SERP1: variants seen among roughly 807,000 people sequenced by gnomAD.
SERP1 encodes the protein stress associated endoplasmic reticulum protein 1.
Under a neutral mutation model 8.8 loss-of-function variants are expected in SERP1, and 6 were observed. That is an observed-to-expected ratio of 0.68 (90% CI 0.37 to 1.35). The LOEUF (loss-of-function observed/expected upper bound fraction) is 1.35. SERP1 is among the 40% of genes most tolerant of loss of function. SERP1 has a pLI of 0.02. For synonymous variants in SERP1, 36 were observed against 28.7 expected (o/e 1.25, Z -0.81); for missense variants, 52 against 86.2 (o/e 0.60, Z 1.57).
At position 150,545,777 on chromosome 3, in the gene SERP1, C is replaced by A; in HGVS notation, c.86G>T (p.Arg29Ile). The change falls in exon 2 of 3, where the codon AGA (arginine) becomes ATA (isoleucine). Residue 29 changes from arginine (R) to isoleucine (I), a missense_variant and splice_region_variant. Physicochemically the swap from Arg to Ile is moderately conservative, Grantham distance 97. Transcript: ENST00000239944. ...AGACGCCTTCTCTTCGGGGGCATTT[C>A]TCTGCAAAAGCGAAAATCCACCATT... ...TQRGNVAKTS[R>I]NAPEEKASVG... 1 of 1,604,710 alleles carries A rather than the reference C, an allele frequency of 6.2e-7. No individual in the cohort carries two copies. Among genetic ancestry groups the A allele is most frequent in the East Asian group, 2.2e-5 (1 of 44,742 alleles).
Position 150,545,524 on chromosome 3 carries a change from A to G in SERP1, c.160+179T>C, listed in dbSNP as rs1048538959. The G allele has an allele frequency of 8.1e-6, 5 of 615,442 alleles. No homozygotes were observed. The East Asian group carries it at 8.6e-5, about 11-fold the overall frequency. 38.1% of individuals were successfully genotyped at this position (615,442 alleles called of 1,614,324 possible). On this transcript the variant is annotated intron_variant, in intron 2 of 2. Coordinates refer to ENST00000239944, the MANE Select transcript of SERP1 (RefSeq NM_014445.4). ...TTAAGCTGGGAGAAGTTTCTGGAGC[A>G]CCACCCTCTGTGCATATGTGGAACA...
chr3:150,543,438 C>G lies in SERP1; in HGVS notation c.*1020G>C, dbSNP rs912301247. The G allele has an allele frequency of 6.6e-6, 1 of 152,504 alleles. No homozygotes were observed. Among genetic ancestry groups the G allele is most frequent in the African/African-American group, 2.4e-5 (1 of 41,404 alleles). 9.4% of individuals were successfully genotyped at this position (152,504 alleles called of 1,614,324 possible). On this transcript the variant is annotated 3_prime_UTR_variant, in exon 3 of 3. Transcript: ENST00000239944. ...CACTTTAGGCTGATGTGTCTAGTAC[C>G]CTAATGATTGAAAAATCATTAATCT...
Position 150,542,433 on chromosome 3 carries a change from CT to C in SERP1, c.*2024del. The C allele has an allele frequency of 6.6e-6, 1 of 152,316 alleles. No homozygotes were observed. The highest frequency in any genetic ancestry group is 1.9e-4 in the East Asian group (1 of 5,190). The allele number at this position is 152,316 out of a possible 1,614,324, so 9.4% of individuals were successfully genotyped here. ...CCATTTAAGTACAATACTAAACATT[CT>C]TTAAAATCATTTTCTACTAACTATA... is the stretch of plus-strand genomic sequence containing the variant. On this transcript the variant is annotated 3_prime_UTR_variant, in exon 3 of 3. Coordinates refer to ENST00000239944, the MANE Select transcript of SERP1 (RefSeq NM_014445.4).
At chr3:150,545,863 C>T (rs1213291350) in intron 1 of SERP1, 85 bp from the exon 2 acceptor site, 5 of 1,427,424 alleles carry the variant, frequency 3.5e-6, no homozygotes, top group South Asian at 1.3e-5. Context: ...GTCGCCGGCC[C>T]CCTCACCTCA....
In SERP1 at chr3:150,544,193, T is replaced by G. The variant is rs1297657920; in HGVS notation, c.*265A>C. 5.1e-6 allele frequency: 2 copies of G among 392,286 alleles called. No individual in the cohort carries two copies. Among genetic ancestry groups the G allele is most frequent in the Non-Finnish European group, 9.2e-6 (2 of 218,228 alleles). 24.3% of individuals were successfully genotyped at this position (392,286 alleles called of 1,614,324 possible). ...ATAAAAAAACTTACTCTTAATTGAC[T>G]GAATAAGTAGGGTCCACTACTGTAT... On this transcript the variant is annotated 3_prime_UTR_variant, in exon 3 of 3. Transcript: ENST00000239944.
chr3:150,545,867 C>T, intron 1 of SERP1, 89 bp from the exon 2 acceptor site: 1 of 1,412,862 alleles, frequency 7.1e-7, no homozygotes, highest in South Asian at 1.3e-5. Flanking sequence ...CCGGCCCCCT[C>T]ACCTCACAGG....
chr3:150,544,788 C>T (rs186833650), intron 2 of SERP1, among the ~76,000 whole-genome samples: 1 of 152,360 alleles, frequency 6.6e-6, no homozygotes, highest in East Asian at 1.9e-4. Flanking sequence ...CCAAAGCCAA[C>T]AGGTTTTTCC....
chr3:150,546,053 G>A lies in SERP1; in HGVS notation c.83C>T (p.Ser28Leu), dbSNP rs1722997096. 6.2e-7 allele frequency: 1 copy of A among 1,613,554 alleles called. No individual in the cohort carries two copies. Among genetic ancestry groups the A allele is most frequent in the African/African-American group, 1.3e-5 (1 of 74,936 alleles). ...ITQRGNVAKT[S>L]RNAPEEKASV... is the part of the protein sequence containing the mutation. ...GAGGGGCGCCCGCTCTTTCCTTACC[G>A]AGGTCTTGGCGACGTTGCCGCGCTG... The change falls in exon 1 of 3, where the codon TCG becomes TTG. Residue 28 changes from serine to leucine, a missense_variant and splice_region_variant. Coordinates refer to ENST00000239944, the MANE Select transcript of SERP1 (RefSeq NM_014445.4).
chr3:150,543,002 T>C lies in SERP1; in HGVS notation c.*1456A>G, dbSNP rs1722906094. The C allele has an allele frequency of 6.6e-6, 1 of 152,606 alleles. No individual in the cohort carries two copies. Among genetic ancestry groups the C allele is most frequent in the Non-Finnish European group, 1.5e-5 (1 of 68,026 alleles). The allele number at this position is 152,606 out of a possible 1,614,324, so 9.5% of individuals were successfully genotyped here. On this transcript the variant is annotated 3_prime_UTR_variant, in exon 3 of 3. Coordinates refer to ENST00000239944, the MANE Select transcript of SERP1 (RefSeq NM_014445.4). ...GAATAGTTAAGTTCCTGAAAGTCCT[T>C]AACCACTCTGCTCCCTTACTGTTCT...
chr3:150,545,272 T>C (rs540583484), intron 2 of SERP1: 25 of 213,314 alleles, frequency 1.2e-4, no homozygotes, highest in African/African-American at 5.7e-4. Flanking sequence ...AAGCTTTATT[T>C]TATAAAATAT....
rs369518471 is a variant in SERP1 at position 150,544,477 on chromosome 3, C to T, written c.182G>A (p.Ser61Asn). ...CGSAIFQIIQ[S>N]IRMGM ...GTCACTTCACATGCCCATCCTGATA[C>T]TTTGAATAATCTGGAAAATTGCTGT... The change falls in exon 3 of 3, where the codon AGT becomes AAT. Residue 61 changes from serine (S) to asparagine (N), a missense_variant. Physicochemically the swap from Ser to Asn is conservative, Grantham distance 46. Transcript: ENST00000239944. 1.6e-5 allele frequency: 26 copies of T among 1,612,384 alleles called. No individual in the cohort carries two copies. The highest frequency in any genetic ancestry group is 2.2e-5 in the Non-Finnish European group (26 of 1,179,098).
At chr3:150,545,820 AC>A (rs1553740949) in intron 1 of SERP1, 42 bp from the exon 2 acceptor site, 1 of 1,563,098 alleles carries the variant, frequency 6.4e-7, no homozygotes, top group African/African-American at 1.4e-5. Context: ...CAGAGAAACC[AC>A]TCGGACCCCA....
rs1183908555 is a variant in SERP1 at position 150,542,712 on chromosome 3, T to C, written c.*1746A>G. The C allele has an allele frequency of 6.6e-6, 1 of 152,610 alleles. No individual in the cohort carries two copies. The highest frequency in any genetic ancestry group is 2.4e-5 in the African/African-American group (1 of 41,452). 9.5% of individuals were successfully genotyped at this position (152,610 alleles called of 1,614,324 possible). ...AACAGTCAAATTTATCAGAACATTG[T>C]ACATTAAAAAACACAAACAACAACT... On this transcript the variant is annotated 3_prime_UTR_variant, in exon 3 of 3. Transcript: ENST00000239944.
At chr3:150,545,867 C>A (rs1722986765) in intron 1 of SERP1, 89 bp from the exon 2 acceptor site, 1 of 1,412,862 alleles carries the variant, frequency 7.1e-7, no homozygotes, top group Admixed American at 2.1e-5. Flanking sequence ...CCGGCCCCCT[C>A]ACCTCACAGG....
At position 150,544,387 on chromosome 3, in the gene SERP1, G is replaced by A. The variant is rs768053304; in HGVS notation, c.*71C>T. The A allele has an allele frequency of 7.6e-7, 1 of 1,320,340 alleles. No homozygotes were observed. The highest frequency in any genetic ancestry group is 1.5e-5 in the African/African-American group (1 of 68,820). The allele number at this position is 1,320,340 out of a possible 1,614,324, so 81.8% of individuals were successfully genotyped here. ...GCTTTACTGAATTGTTTTCAACCAG[G>A]GTATCAAACATCAGGAATGAGTTCA... On this transcript the variant is annotated 3_prime_UTR_variant, in exon 3 of 3. Transcript: ENST00000239944.
In SERP1 at chr3:150,544,959, A is replaced by G. The variant is rs1722947016; in HGVS notation, c.161-461T>C. On this transcript the variant is annotated intron_variant, in intron 2 of 2. Transcript: ENST00000239944. ...AGGAAAGCTTCCAATTGGTAAGTGAAGAAGAAAGGCAAAGTGAAACGTTAA... is the reference window on the plus strand; with the variant it reads ...AGGAAAGCTTCCAATTGGTAAGTGAGGAAGAAAGGCAAAGTGAAACGTTAA... Among the ~76,000 whole-genome samples, 7 of 152,368 alleles carry G rather than the reference A, an allele frequency of 4.6e-5. No individual in the cohort carries two copies. The South Asian group carries it at 1.4e-3, about 32-fold the overall frequency.
At chr3:150,545,517 C>T in intron 2 of SERP1, 186 bp downstream of exon 2, 2 of 595,058 alleles carry the variant, frequency 3.4e-6, no homozygotes, top group African/African-American at 1.9e-5. Context: ...GGAGAAGTTT[C>T]TGGAGCACCA....
At chr3:150,544,967 G>C (rs1022618381) in intron 2 of SERP1, among the ~76,000 whole-genome samples, 1 of 152,154 alleles carries the variant, frequency 6.6e-6, no homozygotes, top group African/African-American at 2.4e-5. Flanking sequence ...GAAGAAGAAA[G>C]GCAAAGTGAA....
chr3:150,542,596 A>G lies in SERP1; in HGVS notation c.*1862T>C, dbSNP rs1429279566. 2.6e-5 allele frequency: 4 copies of G among 152,322 alleles called. No individual in the cohort carries two copies. Among genetic ancestry groups the G allele is most frequent in the Non-Finnish European group, 5.9e-5 (4 of 68,036 alleles). The allele number at this position is 152,322 out of a possible 1,614,324, so 9.4% of individuals were successfully genotyped here. ...CCTAAACATGCATAATCCAACCTGAATATAAACTGCACTTAATTGGTGAAT... is the reference window on the plus strand; with the variant it reads ...CCTAAACATGCATAATCCAACCTGAGTATAAACTGCACTTAATTGGTGAAT... On this transcript the variant is annotated 3_prime_UTR_variant, in exon 3 of 3. Coordinates refer to ENST00000239944, the MANE Select transcript of SERP1 (RefSeq NM_014445.4).
Sources: allele counts gnomAD v4.1 joint callset (sites outside exome capture counted in the v4.1 genomes callset), GRCh38; gene constraint gnomAD v4.1.1; transcripts MANE v1.5; gene names NCBI Gene and HGNC (gene_info 2026-07-23, HGNC 2026-07-21).